Variants in SLC16A7 observed in about 807,000 individuals in gnomAD.
SLC16A7 encodes solute carrier family 16 member 7.
A neutral mutation model predicts 34.9 loss-of-function variants in SLC16A7; 33 were observed. The observed-to-expected ratio is 0.94, with a 90% CI of 0.72 to 1.26. SLC16A7 has a LOEUF of 1.26. Among genes scored for constraint, SLC16A7 ranks in the 50% most tolerant of loss-of-function variants. SLC16A7 has a pLI of 0.00. For synonymous variants in SLC16A7, 201 were observed against 206.6 expected, an observed-to-expected ratio of 0.97 and a Z score of 0.23; for missense variants, 573 against 578.1, an observed-to-expected ratio of 0.99 and a Z score of 0.09.
chr12:59,702,450 AT>A (rs997044424), intron 2 of SLC16A7, among the ~76,000 whole-genome samples: 76 of 152,160 alleles, frequency 5.0e-4, no homozygotes, highest in African/African-American at 1.7e-3. Context: ...CATACAAACC[AT>A]CTCAAAATAA....
At position 59,782,432 on chromosome 12, in the gene SLC16A7, G is replaced by A. The variant is rs993945303; in HGVS notation, c.*2753G>A. On this transcript the variant is annotated 3_prime_UTR_variant, in exon 6 of 6. Coordinates refer to ENST00000547379, the MANE Select transcript of SLC16A7 (RefSeq NM_001270623.2). ...ATAAATGGAGGAGGAGATATATTTGGCTTCTGCCTCTGCAACAATTAGTAT... is the reference window on the plus strand; with the variant it reads ...ATAAATGGAGGAGGAGATATATTTGACTTCTGCCTCTGCAACAATTAGTAT... The A allele has an allele frequency of 3.3e-5, 5 of 152,098 alleles. No individual in the cohort carries two copies. The highest frequency in any genetic ancestry group is 1.2e-4 in the African/African-American group (5 of 41,416). 9.4% of individuals were successfully genotyped at this position (152,098 alleles called of 1,614,324 possible). A position where few individuals can be genotyped will look rare whatever the true frequency, so the allele number is the denominator to read the frequency against.
At chr12:59,754,588 C>G (rs1880052296) in intron 3 of SLC16A7, among the ~76,000 whole-genome samples, 1 of 152,172 alleles carries the variant, frequency 6.6e-6, no homozygotes, top group Non-Finnish European at 1.5e-5. Flanking sequence ...AGACCAATAA[C>G]AGGCTCTGAA....
intron 1 of SLC16A7, among the ~76,000 whole-genome samples, chr12:59,614,573 T>A (rs533443168): frequency 6.6e-6 from 1 of 152,182 alleles, no homozygotes; most frequent in East Asian, 1.9e-4. Flanking sequence ...TGTGTCTTTT[T>A]CAAAATCTAC....
chr12:59,766,407 C>A (rs916009104), intron 3 of SLC16A7, among the ~76,000 whole-genome samples: 1 of 152,054 alleles, frequency 6.6e-6, no homozygotes, highest in Non-Finnish European at 1.5e-5. Context: ...CTGTCTTGTG[C>A]CAGTTTTTAA....
chr12:59,698,602 C>T (rs954332870), intron 2 of SLC16A7, among the ~76,000 whole-genome samples: 3 of 151,686 alleles, frequency 2.0e-5, no homozygotes, highest in Admixed American at 6.6e-5. Context: ...GTCAATAAAC[C>T]GTTTGTGGAC....
At chr12:59,657,751 T>C (rs1480917296) in intron 2 of SLC16A7, among the ~76,000 whole-genome samples, 1 of 151,976 alleles carries the variant, frequency 6.6e-6, no homozygotes, top group Non-Finnish European at 1.5e-5. Flanking sequence ...ACATACCTCC[T>C]AATGCCAATA....
chr12:59,697,714 TA>T lies in SLC16A7; in HGVS notation c.-30-7045del, dbSNP rs879401774. ...GCTGCCCCTGTCTAGAAAAGACTGT[TA>T]AAAAAAAAAAAAGTCTGCCTCAAAC... On this transcript the variant is annotated intron_variant, in intron 2 of 5. Transcript: ENST00000547379. Among the ~76,000 whole-genome samples the T allele has an allele frequency of 4.8e-3, 686 of 142,858 alleles. 2 individuals are homozygous for T. Among genetic ancestry groups the T allele is most frequent in the African/African-American group, 7.6e-3 (301 of 39,424 alleles). 93.7% of individuals were successfully genotyped at this position (142,858 alleles called of 152,430 possible).
At chr12:59,633,191 G>T (rs565182132) in intron 1 of SLC16A7, among the ~76,000 whole-genome samples, 224 of 151,948 alleles carry the variant, frequency 1.5e-3, no homozygotes, top group African/African-American at 5.3e-3. Context: ...TTTGGTTAAG[G>T]TTCCTTTGTA....
chr12:59,668,010 A>G lies in SLC16A7; in HGVS notation c.-31+12760A>G, dbSNP rs1402580374. 6.6e-5 allele frequency among the ~76,000 whole-genome samples: 10 copies of G among 152,362 alleles called. No homozygotes were observed. The East Asian group carries it at 1.2e-3, about 18-fold the overall frequency. ...CGTGGTGTTGAGCCTGTGGATACAC[A>G]GAAGTCAAGAATTGAGGTTTGAAAA... On this transcript the variant is annotated intron_variant, in intron 2 of 5. Coordinates refer to ENST00000547379, the MANE Select transcript of SLC16A7 (RefSeq NM_001270623.2).
chr12:59,771,686 G>T (rs1882247609), intron 4 of SLC16A7, among the ~76,000 whole-genome samples: 2 of 152,052 alleles, frequency 1.3e-5, no homozygotes, highest in Non-Finnish European at 2.9e-5. Context: ...CAGACTTTCT[G>T]ATGTAAATAA....
intron 2 of SLC16A7, among the ~76,000 whole-genome samples, chr12:59,697,680 C>T (rs1384080583): frequency 1.3e-5 from 2 of 151,244 alleles, no homozygotes; most frequent in African/African-American, 4.8e-5. Flanking sequence ...CAGCATTTGC[C>T]TTGATATTGC....
At chr12:59,678,790 T>C (rs1870517218) in intron 2 of SLC16A7, among the ~76,000 whole-genome samples, 1 of 152,126 alleles carries the variant, frequency 6.6e-6, no homozygotes, top group Admixed American at 6.5e-5. Flanking sequence ...GGAGTCTGTC[T>C]TCTGAAGCTG....
rs1370627884 is a variant in SLC16A7 at position 59,704,856 on chromosome 12, G to T, written c.55G>T (p.Gly19Cys). 6.2e-7 allele frequency: 1 copy of T among 1,613,824 alleles called. No individual in the cohort carries two copies. Among genetic ancestry groups the T allele is most frequent in the Non-Finnish European group, 8.5e-7 (1 of 1,179,876 alleles). The change falls in exon 3 of 6, where the codon GGT becomes TGT. Residue 19 changes from glycine to cysteine, a missense_variant. Physicochemically the swap from Gly to Cys is radical, Grantham distance 159. Transcript: ENST00000547379. The part of the protein sequence containing the change: ...PVHPPPDGGW[G>C]WIVVGAAFIS... The stretch of plus-strand genomic sequence containing the variant: ...GCATCCACCTCCAGATGGAGGATGG[G>T]GTTGGATTGTGGTTGGAGCAGCTTT...
At chr12:59,764,369 A>T (rs897757836) in intron 3 of SLC16A7, among the ~76,000 whole-genome samples, 1 of 152,250 alleles carries the variant, frequency 6.6e-6, no homozygotes. Flanking sequence ...TTTAGAGTAC[A>T]TGTGCACAAC....
intron 1 of SLC16A7, among the ~76,000 whole-genome samples, chr12:59,646,861 G>C (rs1424852802): frequency 2.6e-5 from 4 of 152,086 alleles, no homozygotes; most frequent in Admixed American, 2.6e-4. Context: ...GAGTGAGTCA[G>C]CTTTTGGAAC....
intron 1 of SLC16A7, among the ~76,000 whole-genome samples, chr12:59,606,889 C>T (rs1565615524): frequency 6.6e-6 from 1 of 151,996 alleles, no homozygotes; most frequent in African/African-American, 2.4e-5. Flanking sequence ...TATATACACA[C>T]ACCCACTAAT....
At chr12:59,652,146 AAC>A in intron 1 of SLC16A7, among the ~76,000 whole-genome samples, 1 of 152,046 alleles carries the variant, frequency 6.6e-6, no homozygotes, top group East Asian at 1.9e-4. Context: ...TGGTTTCTAA[AAC>A]AGTCTCTTAT....
chr12:59,697,168 A>G (rs375436780), intron 2 of SLC16A7, among the ~76,000 whole-genome samples: 2 of 151,970 alleles, frequency 1.3e-5, no homozygotes, highest in East Asian at 1.9e-4. Flanking sequence ...TTAGAAAAAC[A>G]TGAATTTAAT....
chr12:59,682,791 C>G (rs894989763), intron 2 of SLC16A7, among the ~76,000 whole-genome samples: 3 of 152,192 alleles, frequency 2.0e-5, no homozygotes, highest in Non-Finnish European at 4.4e-5. Context: ...CAAATTGCGG[C>G]CAGTCACAGT....
Sources: gnomAD v4.1 joint callset for allele counts (sites outside exome capture counted in the v4.1 genomes callset) on GRCh38, gnomAD v4.1.1 for gene constraint, MANE v1.5 for transcripts, NCBI Gene and HGNC (gene_info 2026-07-23, HGNC 2026-07-21) for gene names.